TMOD1: variants seen among roughly 807,000 people sequenced by gnomAD.
TMOD1 encodes tropomodulin 1.
A neutral mutation model predicts 40.6 loss-of-function variants in TMOD1; 17 were observed. The ratio of observed to expected loss-of-function variants is 0.42; its 90% confidence interval spans 0.29 to 0.63. The LOEUF is 0.63. Ranked by LOEUF, TMOD1 falls within the 20% of genes least tolerant of loss-of-function variation. The probability of loss-of-function intolerance (pLI) is 0.22; values close to 1 mark genes in which losing one functional copy is unlikely to be tolerated. For missense variants in TMOD1, 391 were observed against 447.6 expected, an observed-to-expected ratio of 0.87 and a Z score of 1.14; for synonymous variants, 181 against 175.0, an observed-to-expected ratio of 1.03 and a Z score of -0.27.
At chr9:97,508,290 G>A (rs1484687599) in intron 1 of TMOD1, among the ~76,000 whole-genome samples, 1 of 152,026 alleles carries the variant, frequency 6.6e-6, no homozygotes, top group Non-Finnish European at 1.5e-5. Flanking sequence ...CCAGGTTCAA[G>A]CAATTCTCCT....
chr9:97,581,822 G>A (rs899218561), intron 8 of TMOD1, among the ~76,000 whole-genome samples: 11 of 151,672 alleles, frequency 7.3e-5, no homozygotes, highest in South Asian at 4.2e-4. Flanking sequence ...CATGTCCTTC[G>A]CCCACTTTTT....
In TMOD1 at chr9:97,562,836, G is replaced by GC; in HGVS notation, c.487+20dup. 6.4e-7 allele frequency: 1 copy of GC among 1,568,002 alleles called. No homozygotes were observed. Among genetic ancestry groups the GC allele is most frequent in the South Asian group, 1.2e-5 (1 of 83,300 alleles). On this transcript the variant is annotated intron_variant, in intron 5 of 9. Transcript: ENST00000259365. ...GGGGCTCAACAGTGAGTATGCGCCC[G>GC]CCCCCAGGAGGGACCTCATGCTTCT...
intron 2 of TMOD1, among the ~76,000 whole-genome samples, chr9:97,536,815 T>C (rs1830192487): frequency 6.6e-6 from 1 of 152,188 alleles, no homozygotes; most frequent in Non-Finnish European, 1.5e-5. Flanking sequence ...AGTCACAGAA[T>C]AGGAACCTGG....
At chr9:97,591,199 A>G in intron 8 of TMOD1, 92 bp from the exon 9 acceptor site, 2 of 1,363,644 alleles carry the variant, frequency 1.5e-6, no homozygotes, top group Non-Finnish European at 9.8e-7. Flanking sequence ...CCCACTACTC[A>G]AGAGTTTCTG....
intron 1 of TMOD1, among the ~76,000 whole-genome samples, chr9:97,505,267 A>G (rs1250277182): frequency 6.6e-6 from 1 of 152,162 alleles, no homozygotes; most frequent in Admixed American, 6.5e-5. Flanking sequence ...AGGGTTGGAC[A>G]TTACCATCTG....
Position 97,553,364 on chromosome 9 carries a change from G to C in TMOD1, c.361G>C (p.Ala121Pro), listed in dbSNP as rs780076026. Residue 121 changes from alanine (A) to proline (P), a missense_variant, in exon 4 of 10, where the codon GCA becomes CCA. Ala to Pro is a conservative substitution (Grantham distance 27). Transcript: ENST00000259365. The part of the protein sequence containing the change: ...TLEPELEEAL[A>P]NASDAELCDI... ...GGAACCGGAGCTGGAGGAAGCCTTGGCAAATGCTTCAGATGCAGAACTCTG... is the reference window on the plus strand; with the variant it reads ...GGAACCGGAGCTGGAGGAAGCCTTGCCAAATGCTTCAGATGCAGAACTCTG... The C allele has an allele frequency of 6.2e-7, 1 of 1,614,070 alleles. No homozygotes were observed. Among genetic ancestry groups the C allele is most frequent in the Non-Finnish European group, 8.5e-7 (1 of 1,180,044 alleles).
At chr9:97,546,730 A>G (rs1385726144) in intron 3 of TMOD1, among the ~76,000 whole-genome samples, 1 of 152,100 alleles carries the variant, frequency 6.6e-6, no homozygotes, top group Non-Finnish European at 1.5e-5. Flanking sequence ...GGAGTTCAAG[A>G]CCAGCCTGGC....
At chr9:97,551,016 T>TATATATATA (rs1563987965) in intron 3 of TMOD1, among the ~76,000 whole-genome samples, 19 of 5,498 alleles carry the variant, frequency 3.5e-3, no homozygotes, top group African/African-American at 0.015. Context: ...ATATATATAT[T>TATATATATA]TTTTTTTTTT....
chr9:97,538,801 C>T (rs1587929160), intron 2 of TMOD1, among the ~76,000 whole-genome samples: 2 of 151,836 alleles, frequency 1.3e-5, no homozygotes. Context: ...TTGACACCAG[C>T]CTGGCCAACA....
intron 8 of TMOD1, among the ~76,000 whole-genome samples, chr9:97,586,676 C>T (rs1201353569): frequency 6.6e-6 from 1 of 152,232 alleles, no homozygotes; most frequent in African/African-American, 2.4e-5. Flanking sequence ...GCGTAGGACC[C>T]TCCGAGCCAG....
intron 8 of TMOD1, among the ~76,000 whole-genome samples, chr9:97,590,613 GTCTT>G (rs2131291767): frequency 6.6e-6 from 1 of 151,352 alleles, no homozygotes; most frequent in East Asian, 1.9e-4. Flanking sequence ...ACATTGTTGG[GTCTT>G]TCTGTTTTTT....
intron 8 of TMOD1, among the ~76,000 whole-genome samples, chr9:97,590,938 C>T (rs1001425705): frequency 6.6e-6 from 1 of 152,098 alleles, no homozygotes; most frequent in Non-Finnish European, 1.5e-5. Context: ...GGGTATAGCC[C>T]GGACAGCAGG....
In TMOD1 at chr9:97,591,374, CT is replaced by C; in HGVS notation, c.957del (p.Phe319LeufsTer14). The C allele has an allele frequency of 6.2e-7, 1 of 1,614,210 alleles. No homozygotes were observed. The highest frequency in any genetic ancestry group is 8.5e-7 in the Non-Finnish European group (1 of 1,180,044). ...CAACACTTCTCAAATTCGGCTACCACTTTACCCAGCAAGGACCCCGGCTTCG... is the reference window on the plus strand; with the variant it reads ...CAACACTTCTCAAATTCGGCTACCACTTACCCAGCAAGGACCCCGGCTTCG... ...NATLLKFGYH[F>X]TQQGPRLRAS... On this transcript the variant is annotated frameshift_variant, in exon 9 of 10. Transcript: ENST00000259365. LOFTEE classifies it high-confidence loss of function.
At chr9:97,583,051 G>T (rs1355565315) in intron 8 of TMOD1, among the ~76,000 whole-genome samples, 1 of 148,332 alleles carries the variant, frequency 6.7e-6, no homozygotes, top group African/African-American at 2.6e-5. Flanking sequence ...AATACGAGTG[G>T]TGAGAGAGGG....
At chr9:97,573,503 G>A (rs1349005569) in intron 8 of TMOD1, among the ~76,000 whole-genome samples, 2 of 152,164 alleles carry the variant, frequency 1.3e-5, no homozygotes, top group African/African-American at 4.8e-5. Context: ...TTGTAGCTGT[G>A]TAACAAATTA....
intron 8 of TMOD1, among the ~76,000 whole-genome samples, chr9:97,581,138 GCCCCCCTC>G (rs1825743697): frequency 1.4e-5 from 1 of 73,950 alleles, no homozygotes; most frequent in Non-Finnish European, 2.6e-5. Context: ...ATGCTATCCC[GCCCCCCTC>G]CCCCCACCCC....
chr9:97,553,226 C>T, intron 3 of TMOD1, 55 bp from the exon 4 acceptor site: 1 of 1,610,696 alleles, frequency 6.2e-7, no homozygotes, highest in Middle Eastern at 2.1e-4. Flanking sequence ...TGTGGGTCCA[C>T]CAGAGGCTGT....
rs1829568814 is a variant in TMOD1 at position 97,504,893 on chromosome 9, G to C, written c.-49+3090G>C. 3.9e-5 allele frequency among the ~76,000 whole-genome samples: 6 copies of C among 152,240 alleles called. No individual in the cohort carries two copies. In the South Asian group the frequency reaches 1.2e-3, roughly 32 times the overall value. On this transcript the variant is annotated intron_variant, in intron 1 of 9. Transcript: ENST00000259365. ...GAGGCCAGTTTACTTTTCCCTTAAA[G>C]CCAGAACACCAGATAAATCAATTAT...
intron 1 of TMOD1, among the ~76,000 whole-genome samples, chr9:97,522,666 A>T (rs1041488235): frequency 7.2e-5 from 11 of 151,998 alleles, no homozygotes; most frequent in Admixed American, 7.2e-4. Context: ...GGCTAAAGCG[A>T]TCCTCCCACC....
Sources: allele counts gnomAD v4.1 joint callset (sites outside exome capture counted in the v4.1 genomes callset), GRCh38; gene constraint gnomAD v4.1.1; transcripts MANE v1.5; gene names NCBI Gene and HGNC (gene_info 2026-07-23, HGNC 2026-07-21).